UBE2Z: variants seen among roughly 807,000 people sequenced by gnomAD.
UBE2Z encodes ubiquitin conjugating enzyme E2 Z.
Under a neutral mutation model 32.6 loss-of-function variants are expected in UBE2Z, and 10 were observed. The ratio of observed to expected loss-of-function variants is 0.31; its 90% CI spans 0.19 to 0.52. The LOEUF is 0.52. UBE2Z is among the 20% of genes least tolerant of loss of function. UBE2Z has a pLI of 0.97. For missense variants in UBE2Z, 343 were observed against 480.9 expected, an observed-to-expected ratio of 0.71 and a Z score of 2.68; for synonymous variants, 183 against 190.8, an observed-to-expected ratio of 0.96 and a Z score of 0.34.
chr17:48,913,401 C>T (rs917385813), intron 3 of UBE2Z, among the ~76,000 whole-genome samples: 1 of 152,188 alleles, frequency 6.6e-6, no homozygotes, highest in Non-Finnish European at 1.5e-5. Flanking sequence ...TGTCGCCAGG[C>T]TGGAGTGCAG....
chr17:48,915,865 GCCCCCCCCCCTT>G, intron 3 of UBE2Z, 199 bp from the exon 4 acceptor site: 1 of 340,528 alleles, frequency 2.9e-6, no homozygotes, highest in East Asian at 4.4e-5. Context: ...CTGTTCTTTT[GCCCCCCCCCCTT>G]GATTTGAGGA....
intron 4 of UBE2Z, among the ~76,000 whole-genome samples, chr17:48,920,019 G>A (rs951435892): frequency 2.0e-5 from 3 of 150,850 alleles, no homozygotes; most frequent in Non-Finnish European, 4.4e-5. Flanking sequence ...TGTCTCTACC[G>A]AAAAACTTTT....
Position 48,908,515 on chromosome 17 carries a change from T to G in UBE2Z, c.12T>G (p.Ser4Arg), listed in dbSNP as rs2040646002. 1 of 1,234,160 alleles carries G rather than the reference T, an allele frequency of 8.1e-7. No homozygotes were observed. The highest frequency in any genetic ancestry group is 1.0e-6 in the Non-Finnish European group (1 of 988,244). The allele number at this position is 1,234,160 out of a possible 1,614,324, so 76.5% of individuals were successfully genotyped here. A position where few individuals can be genotyped will look rare whatever the true frequency, so the allele number is the denominator to read the frequency against. ...GAAGCGAAGCAGCGATGGCGGAGAG[T>G]CCGACTGAGGAGGCGGCAACGGCGG... The part of the protein sequence containing the change: MAE[S>R]PTEEAATAGA... The change falls in exon 1 of 7, where the codon AGT becomes AGG. Residue 4 changes from serine to arginine, a missense_variant. Physicochemically the swap from Ser to Arg is moderately radical, Grantham distance 110. Around this residue, in one of 4 missense-constraint regions of UBE2Z, gnomAD observed 103 missense variants for 96.2 expected, o/e 1.07. Coordinates refer to ENST00000360943, the MANE Select transcript of UBE2Z (RefSeq NM_023079.5).
Position 48,927,186 on chromosome 17 carries a change from T to TC in UBE2Z, c.*58dup. On this transcript the variant is annotated 3_prime_UTR_variant, in exon 7 of 7. Transcript: ENST00000360943. ...ACTCAAGAGTCCCAGCAGAATCCCT[T>TC]CCCCCCACCCCAGGGATGGAGAGGC... 1 of 1,578,974 alleles carries TC rather than the reference T, an allele frequency of 6.3e-7. No individual in the cohort carries two copies. The highest frequency in any genetic ancestry group is 8.7e-7 in the Non-Finnish European group (1 of 1,155,086).
At position 48,926,961 on chromosome 17, in the gene UBE2Z, C is replaced by T; in HGVS notation, c.895-3C>T. ...TCCATCCCCTTGTCTCCTTTCCCCA[C>T]AGGACCCTTTTGGAGAGAAGCGGGG... On this transcript the variant is annotated splice_region_variant and splice_polypyrimidine_tract_variant and intron_variant, in intron 6 of 6. Coordinates refer to ENST00000360943, the MANE Select transcript of UBE2Z (RefSeq NM_023079.5). 18 of 1,611,776 alleles carry T rather than the reference C, an allele frequency of 1.1e-5. No homozygotes were observed. Among genetic ancestry groups the T allele is most frequent in the Non-Finnish European group, 1.5e-5 (18 of 1,179,094 alleles).
Position 48,912,964 on chromosome 17 carries a change from C to G in UBE2Z, c.521C>G (p.Thr174Arg). 6.2e-7 allele frequency: 1 copy of G among 1,613,942 alleles called. No homozygotes were observed. The highest frequency in any genetic ancestry group is 2.2e-5 in the East Asian group (1 of 44,880). Residue 174 changes from threonine to arginine, a missense_variant, in exon 3 of 7, where the codon ACA becomes AGA. By Grantham distance (71) the Thr-to-Arg change is moderately conservative. Around this residue, in one of 4 missense-constraint regions of UBE2Z, gnomAD observed 182 missense variants for 312.4 expected, o/e 0.58. Coordinates refer to ENST00000360943, the MANE Select transcript of UBE2Z (RefSeq NM_023079.5). ...AAACTGATGACAACGGGCAATAACA[C>G]AGTGAGGTTTAACCCCAACTTCTAC... ...RVKLMTTGNN[T>R]VRFNPNFYRN...
chr17:48,920,354 G>A (rs537990942), intron 4 of UBE2Z, among the ~76,000 whole-genome samples: 1 of 152,132 alleles, frequency 6.6e-6, no homozygotes, highest in East Asian at 1.9e-4. Context: ...AAACTAGCTG[G>A]GCGTGGTGAC....
intron 4 of UBE2Z, among the ~76,000 whole-genome samples, chr17:48,919,911 A>G (rs912988439): frequency 1.3e-5 from 2 of 151,996 alleles, no homozygotes; most frequent in African/African-American, 4.8e-5. Flanking sequence ...TCTTCACTTC[A>G]TTTATACCTT....
At chr17:48,918,439 T>G (rs1442847840) in intron 4 of UBE2Z, among the ~76,000 whole-genome samples, 1 of 151,340 alleles carries the variant, frequency 6.6e-6, no homozygotes, top group Non-Finnish European at 1.5e-5. Context: ...GGTCAAGCAA[T>G]TCTCCTGCCT....
rs993070395 is a variant in UBE2Z, at chr17:48,912,825, A to G, written c.391-9A>G. On this transcript the variant is annotated splice_polypyrimidine_tract_variant and intron_variant, in intron 2 of 6. Transcript: ENST00000360943. ...CCTCACAATTTTGAGATGGGGTTTT[A>G]TTTTGCAGATTCATGCATTGATCAC... 5.0e-6 allele frequency: 8 copies of G among 1,612,822 alleles called. No homozygotes were observed. The highest frequency in any genetic ancestry group is 6.8e-6 in the Non-Finnish European group (8 of 1,179,164).
chr17:48,917,018 T>A (rs2040725395), intron 4 of UBE2Z, among the ~76,000 whole-genome samples: 1 of 144,132 alleles, frequency 6.9e-6, no homozygotes, highest in Admixed American at 6.9e-5. Context: ...CCCAAAAAAA[T>A]AATAATGGCC....
Position 48,927,262 on chromosome 17 carries a change from C to A in UBE2Z, c.*128C>A. On this transcript the variant is annotated 3_prime_UTR_variant, in exon 7 of 7. Transcript: ENST00000360943. The stretch of plus-strand genomic sequence containing the variant: ...AGTCATCCTGCAAGATGGCAAGAAC[C>A]AAGCAAGCTCCGATCCCAGGGTGTG... The A allele has an allele frequency of 9.7e-7, 1 of 1,029,602 alleles. No homozygotes were observed. Among genetic ancestry groups the A allele is most frequent in the Non-Finnish European group, 1.4e-6 (1 of 712,812 alleles). 63.8% of individuals were successfully genotyped at this position (1,029,602 alleles called of 1,614,324 possible).
chr17:48,921,695 C>T (rs2040759743), intron 5 of UBE2Z, among the ~76,000 whole-genome samples: 1 of 152,074 alleles, frequency 6.6e-6, no homozygotes, highest in Admixed American at 6.6e-5. Context: ...TGATGAAAAG[C>T]AATGGAGGTG....
chr17:48,914,715 C>G (rs1296539822), intron 3 of UBE2Z, among the ~76,000 whole-genome samples: 1 of 152,092 alleles, frequency 6.6e-6, no homozygotes, highest in Non-Finnish European at 1.5e-5. Flanking sequence ...GAAAATTTGC[C>G]ATAAAGAATC....
intron 2 of UBE2Z, chr17:48,911,235 C>T (rs46522): frequency 0.44 from 98,769 of 224,654 alleles, 25,066 homozygotes; most frequent in East Asian, 0.71. Context: ...TTCCCCCATC[C>T]CGTTACTCTT....
chr17:48,923,136 A>G (rs901725683), intron 6 of UBE2Z, 199 bp downstream of exon 6: 34 of 460,552 alleles, frequency 7.4e-5, no homozygotes, highest in Middle Eastern at 1.3e-3. Flanking sequence ...CCTGGCTAAC[A>G]CGGTGAAACC....
chr17:48,923,631 A>AGAAAGAATGTCAC (rs1567780500), intron 6 of UBE2Z, among the ~76,000 whole-genome samples: 4 of 151,656 alleles, frequency 2.6e-5, no homozygotes, highest in Non-Finnish European at 3.0e-5. Context: ...TCAAAAAAAA[A>AGAAAGAATGTCAC]AGCTAAAAGC....
At chr17:48,909,881 T>C (rs2040663146) in intron 1 of UBE2Z, among the ~76,000 whole-genome samples, 1 of 152,116 alleles carries the variant, frequency 6.6e-6, no homozygotes, top group East Asian at 1.9e-4. Flanking sequence ...AAAATTAATA[T>C]AATGTGTGTA....
Position 48,928,270 on chromosome 17 carries a change from G to C in UBE2Z, c.*1136G>C, listed in dbSNP as rs1023730283. ...GCTGCTCTTGTCACTGTCTCTGATG[G>C]GTATTTGCCTGGCTTTGTTGCTTCT... is the stretch of plus-strand genomic sequence containing the variant. On this transcript the variant is annotated 3_prime_UTR_variant, in exon 7 of 7. Coordinates refer to ENST00000360943, the MANE Select transcript of UBE2Z (RefSeq NM_023079.5). 2 of 152,152 alleles carry C rather than the reference G, an allele frequency of 1.3e-5. No individual in the cohort carries two copies. The highest frequency in any genetic ancestry group is 1.5e-5 in the Non-Finnish European group (1 of 68,088). 9.4% of individuals were successfully genotyped at this position (152,152 alleles called of 1,614,324 possible). A position where few individuals can be genotyped will look rare whatever the true frequency, so the allele number is the denominator to read the frequency against.
Sources: allele counts gnomAD v4.1 joint callset (sites outside exome capture counted in the v4.1 genomes callset), GRCh38; gene constraint gnomAD v4.1.1; regional missense constraint gnomAD v4.1.1; transcripts MANE v1.5; gene names NCBI Gene and HGNC (gene_info 2026-07-23, HGNC 2026-07-21).